AATF: variants seen among roughly 807,000 people sequenced by gnomAD.
AATF encodes apoptosis antagonizing transcription factor.
In AATF, 48 loss-of-function variants were observed where a neutral mutation model predicts 63.7. That is an observed-to-expected ratio of 0.75 (90% CI 0.60 to 0.96). The LOEUF (loss-of-function observed/expected upper bound fraction) is 0.96. AATF is among the 40% of genes least tolerant of loss of function. AATF has a pLI of 0.00. For synonymous variants in AATF, 258 were observed against 247.7 expected (o/e 1.04, Z -0.39); for missense variants, 639 against 685.7 (o/e 0.93, Z 0.76).
At chr17:36,979,734 A>G (rs1378785318) in intron 4 of AATF, among the ~76,000 whole-genome samples, 1 of 152,206 alleles carries the variant, frequency 6.6e-6, no homozygotes, top group East Asian at 1.9e-4. Flanking sequence ...GCTTCACGCC[A>G]TTGCCAGAAA....
At chr17:37,033,512 G>A (rs185001764) in intron 11 of AATF, among the ~76,000 whole-genome samples, 129 of 152,228 alleles carry the variant, frequency 8.5e-4, no homozygotes, top group Non-Finnish European at 1.3e-3. Context: ...ATCCCTTGAG[G>A]TGTACTTAGT....
chr17:37,048,355 TTTC>T (rs1377549308), intron 11 of AATF, among the ~76,000 whole-genome samples: 1 of 148,412 alleles, frequency 6.7e-6, no homozygotes, highest in Non-Finnish European at 1.5e-5. Flanking sequence ...GAGCTAAGTT[TTTC>T]TTTTCTTTTT....
chr17:36,962,677 G>A (rs1445829150), intron 4 of AATF, among the ~76,000 whole-genome samples: 1 of 151,922 alleles, frequency 6.6e-6, no homozygotes, highest in Admixed American at 6.6e-5. Context: ...AGATAAGAAA[G>A]TAGCCCTGAC....
At chr17:37,015,924 C>A (rs917689342) in intron 8 of AATF, among the ~76,000 whole-genome samples, 1 of 152,136 alleles carries the variant, frequency 6.6e-6, no homozygotes, top group Non-Finnish European at 1.5e-5. Context: ...AATAAAATTT[C>A]TTTTCTCTCA....
At chr17:36,989,557 C>G in intron 7 of AATF, 146 bp downstream of exon 7, 1 of 817,398 alleles carries the variant, frequency 1.2e-6, no homozygotes, top group South Asian at 3.7e-5. Context: ...CTGAGAGAAA[C>G]TTGAGTGTAT....
intron 4 of AATF, among the ~76,000 whole-genome samples, chr17:36,978,895 G>T (rs2071099285): frequency 6.6e-6 from 1 of 151,772 alleles, no homozygotes; most frequent in South Asian, 2.1e-4. Context: ...GCAATTCTTT[G>T]TTGAAGAAGT....
At chr17:36,967,981 G>C (rs753384743) in intron 4 of AATF, among the ~76,000 whole-genome samples, 2 of 151,402 alleles carry the variant, frequency 1.3e-5, no homozygotes, top group African/African-American at 2.4e-5. Flanking sequence ...GGAGCACTTG[G>C]AGGGCCTTTT....
At chr17:36,995,464 CA>C (rs1430019167) in intron 8 of AATF, among the ~76,000 whole-genome samples, 1 of 152,134 alleles carries the variant, frequency 6.6e-6, no homozygotes, top group Non-Finnish European at 1.5e-5. Context: ...GAATTGTATG[CA>C]TTTAGATCTT....
intron 4 of AATF, among the ~76,000 whole-genome samples, chr17:36,968,681 G>C (rs2071015509): frequency 6.6e-6 from 1 of 150,502 alleles, no homozygotes; most frequent in African/African-American, 2.4e-5. Flanking sequence ...GAGTACAGTG[G>C]TGTGATCATA....
chr17:36,988,985 A>C (rs2071191750), intron 6 of AATF, among the ~76,000 whole-genome samples: 1 of 152,216 alleles, frequency 6.6e-6, no homozygotes, highest in South Asian at 2.1e-4. Flanking sequence ...AAATACTTTA[A>C]AGGAGTGGAT....
At position 36,990,772 on chromosome 17, in the gene AATF, A is replaced by G; in HGVS notation, c.1315-2A>G. 6.3e-7 allele frequency: 1 copy of G among 1,583,234 alleles called. No homozygotes were observed. The highest frequency in any genetic ancestry group is 8.6e-7 in the Non-Finnish European group (1 of 1,165,450). On this transcript the variant is annotated splice_acceptor_variant, in intron 7 of 11. Transcript: ENST00000619387. LOFTEE classifies it high-confidence loss of function. ...CTCTTTTCTTACTCATTGTTAACAT[A>G]GGAGATCCTTCCTCAAGCCCCTGCT...
intron 10 of AATF, among the ~76,000 whole-genome samples, chr17:37,022,799 G>A (rs1338097564): frequency 2.0e-5 from 3 of 152,106 alleles, no homozygotes; most frequent in African/African-American, 7.2e-5. Context: ...ACATAGTTAA[G>A]CACTGTACAA....
chr17:36,953,324 G>A (rs1427011088), intron 3 of AATF, 28 bp downstream of exon 3: 1 of 1,589,288 alleles, frequency 6.3e-7, no homozygotes, highest in Non-Finnish European at 8.6e-7. Context: ...CTGATTGCCT[G>A]TTTTTCAAAG....
At chr17:36,955,194 T>C (rs1257532853) in intron 4 of AATF, among the ~76,000 whole-genome samples, 1 of 152,212 alleles carries the variant, frequency 6.6e-6, no homozygotes, top group African/African-American at 2.4e-5. Flanking sequence ...GATATCTAAT[T>C]TGGCATCTGC....
intron 8 of AATF, among the ~76,000 whole-genome samples, chr17:37,009,444 C>T (rs2071368284): frequency 6.6e-6 from 1 of 151,674 alleles, no homozygotes; most frequent in Non-Finnish European, 1.5e-5. Flanking sequence ...CGTGCCTGGC[C>T]CCAGTTAAAT....
intron 7 of AATF, among the ~76,000 whole-genome samples, chr17:36,990,538 T>A (rs2071205429): frequency 6.6e-6 from 1 of 151,960 alleles, no homozygotes; most frequent in African/African-American, 2.4e-5. Flanking sequence ...TTACACATAT[T>A]TAATTTGAAT....
At chr17:37,052,990 G>A (rs1358528518) in intron 11 of AATF, among the ~76,000 whole-genome samples, 2 of 152,192 alleles carry the variant, frequency 1.3e-5, no homozygotes, top group African/African-American at 2.4e-5. Flanking sequence ...GCGATTTTTT[G>A]TGTGTGCTGT....
In AATF at chr17:36,950,319, A is replaced by AC; in HGVS notation, c.198dup (p.Thr67HisfsTer12). The AC allele has an allele frequency of 1.9e-6, 3 of 1,614,184 alleles. No individual in the cohort carries two copies. The highest frequency in any genetic ancestry group is 2.5e-6 in the Non-Finnish European group (3 of 1,180,034). The stretch of plus-strand genomic sequence containing the variant: ...AAACTGGCATCAGCCTCCCTCTTGG[A>AC]CACGGACAAAAGGTATTGCGGCAAA... On this transcript the variant is annotated frameshift_variant, in exon 2 of 12. Transcript: ENST00000619387. LOFTEE classifies it high-confidence loss of function.
At chr17:37,042,359 T>G (rs1485585722) in intron 11 of AATF, among the ~76,000 whole-genome samples, 6 of 151,990 alleles carry the variant, frequency 3.9e-5, no homozygotes, top group African/African-American at 1.4e-4. Context: ...TATTCAATGA[T>G]CTTCACTTTT....
Sources: allele counts gnomAD v4.1 joint callset (sites outside exome capture counted in the v4.1 genomes callset), GRCh38; gene constraint gnomAD v4.1.1; transcripts MANE v1.5; gene names NCBI Gene and HGNC (gene_info 2026-07-23, HGNC 2026-07-21).